Variants in MYBL2 observed in about 807,000 individuals in gnomAD.
MYBL2 encodes the protein myb-related protein B.
Under a neutral mutation model 79.9 loss-of-function variants are expected in MYBL2, and 28 were observed. The observed-to-expected ratio is 0.35, with a 90% CI of 0.26 to 0.48. The LOEUF (loss-of-function observed/expected upper bound fraction) is 0.48, where lower values mean the gene tolerates loss of function less well. Among genes scored for constraint, MYBL2 ranks in the 20% least tolerant of loss-of-function variants. MYBL2 has a pLI of 0.99. For missense variants in MYBL2, 735 were observed against 893.9 expected (o/e 0.82, Z 2.27); for synonymous variants, 378 against 361.2 (o/e 1.05, Z -0.53).
intron 9 of MYBL2, 106 bp from the exon 10 acceptor site, chr20:43,709,857 G>T: frequency 2.2e-6 from 2 of 919,666 alleles, no homozygotes. Context: ...ACGAGAACCT[G>T]TGCTGGGGCC....
chr20:43,682,884 A>G lies in MYBL2; in HGVS notation c.277A>G (p.Lys93Glu). The change falls in exon 4 of 14, where the codon AAA becomes GAA. Residue 93 changes from lysine (K) to glutamate (E), a missense_variant and splice_region_variant. This residue lies in a region of MYBL2 where 65 missense variants were observed against 145.2 expected (regional missense o/e 0.45). Transcript: ENST00000217026. The stretch of plus-strand genomic sequence containing the variant: ...GCCATGGACCAAAGAGGAAGACCAA[A>G]AAGTAACTGCTGGGACAGTGCCTTG... Reference protein sequence around the residue: ...KGPWTKEEDQKVIELVKKYGT... With the variant: ...KGPWTKEEDQEVIELVKKYGT... 5 of 1,613,618 alleles carry G rather than the reference A, an allele frequency of 3.1e-6. No individual in the cohort carries two copies. Among genetic ancestry groups the G allele is most frequent in the Non-Finnish European group, 4.2e-6 (5 of 1,179,596 alleles).
chr20:43,710,790 G>A (rs1987887605), intron 10 of MYBL2, among the ~76,000 whole-genome samples: 1 of 152,124 alleles, frequency 6.6e-6, no homozygotes, highest in Non-Finnish European at 1.5e-5. Flanking sequence ...ACTTTCCACG[G>A]ACCATGCTAC....
At chr20:43,692,135 G>GGCCCCCTGCT in intron 5 of MYBL2, 22 bp from the exon 6 acceptor site, 1 of 1,610,466 alleles carries the variant, frequency 6.2e-7, no homozygotes, top group South Asian at 1.1e-5. Context: ...GGGGTTCAAA[G>GGCCCCCTGCT]GCCCCCTGCT....
At chr20:43,667,366 A>G in intron 1 of MYBL2, 63 bp downstream of exon 1, 1 of 924,268 alleles carries the variant, frequency 1.1e-6, no homozygotes, top group Non-Finnish European at 1.3e-6. Flanking sequence ...TCCCCCACCC[A>G]GATACCCCCG....
intron 12 of MYBL2, among the ~76,000 whole-genome samples, chr20:43,714,895 C>CT (rs1473011276): frequency 2.0e-5 from 3 of 152,218 alleles, no homozygotes; most frequent in African/African-American, 7.2e-5. Flanking sequence ...TCCCAAAGTG[C>CT]TGGGATTACA....
rs764273305 is a variant in MYBL2, at chr20:43,683,550, C to CCTTTTG, written c.279+664_279+665insCTTTTG. Among the ~76,000 whole-genome samples, 20 of 126,432 alleles carry CCTTTTG rather than the reference C, an allele frequency of 1.6e-4. 1 individual carries two copies. The highest frequency in any genetic ancestry group is 1.1e-3 in the East Asian group (5 of 4,382). 82.9% of individuals were successfully genotyped at this position (126,432 alleles called of 152,430 possible). Reference sequence around the variant, plus strand: ...AAAGAGGGAGATGAAGGGAACTAGGCATTTTTTTTTTTTTTTTTTTTGAGA... The same window carrying CCTTTTG: ...AAAGAGGGAGATGAAGGGAACTAGGCCTTTTGATTTTTTTTTTTTTTTTTTTTGAGA... On this transcript the variant is annotated intron_variant, in intron 4 of 13. Transcript: ENST00000217026.
In MYBL2 at chr20:43,674,232, C is replaced by CCG. The variant is rs1555809927; in HGVS notation, c.114+334_114+335insGC. 2.6e-4 allele frequency among the ~76,000 whole-genome samples: 29 copies of CCG among 111,286 alleles called. 2 individuals are homozygous for CCG. Among genetic ancestry groups the CCG allele is most frequent in the Non-Finnish European group, 4.6e-4 (24 of 51,626 alleles). 73.0% of individuals were successfully genotyped at this position (111,286 alleles called of 152,430 possible). On this transcript the variant is annotated intron_variant, in intron 2 of 13. Coordinates refer to ENST00000217026, the MANE Select transcript of MYBL2 (RefSeq NM_002466.4). Reference sequence around the variant, plus strand: ...TTGGCCAAATCTGTAACTCCCCCCACCCTTTTTTTTTTTTTTTTTTTGAGA... The same window carrying CCG: ...TTGGCCAAATCTGTAACTCCCCCCACCGCCTTTTTTTTTTTTTTTTTTTGAGA...
Position 43,702,889 on chromosome 20 carries a change from T to C in MYBL2, c.1351T>C (p.Phe451Leu). The C allele has an allele frequency of 1.3e-6, 2 of 1,593,220 alleles. No homozygotes were observed. Among genetic ancestry groups the C allele is most frequent in the Non-Finnish European group, 1.7e-6 (2 of 1,163,876 alleles). ...GAGCACACCTGTTAAGACCCTGCCC[T>C]TCTCGCCCTCCCAGGTGCGTGGACC... ...PKSTPVKTLP[F>L]SPSQFLNFWN... The change falls in exon 8 of 14, where the codon TTC (phenylalanine) becomes CTC (leucine). Residue 451 changes from phenylalanine to leucine, a missense_variant. Transcript: ENST00000217026.
intron 10 of MYBL2, 33 bp from the exon 11 acceptor site, chr20:43,711,455 G>A (rs1414529929): frequency 1.3e-6 from 2 of 1,550,006 alleles, no homozygotes; most frequent in Admixed American, 3.5e-5. Flanking sequence ...CGAGTGTGGT[G>A]CCTCACGTGG....
At chr20:43,686,671 C>T (rs868178891) in intron 4 of MYBL2, among the ~76,000 whole-genome samples, 181 bp from the exon 5 acceptor site, 1 of 152,174 alleles carries the variant, frequency 6.6e-6, no homozygotes, top group African/African-American at 2.4e-5. Context: ...CTCAGGTAGG[C>T]CCTGTGGGCT....
intron 7 of MYBL2, 81 bp from the exon 8 acceptor site, chr20:43,702,409 C>T: frequency 6.9e-7 from 1 of 1,445,332 alleles, no homozygotes; most frequent in Non-Finnish European, 9.4e-7. Flanking sequence ...ATACTTGACA[C>T]TTAAATATTT....
intron 4 of MYBL2, 78 bp downstream of exon 4, chr20:43,682,964 G>A (rs1987178522): frequency 1.5e-6 from 2 of 1,374,228 alleles, no homozygotes; most frequent in Non-Finnish European, 1.0e-6. Flanking sequence ...ATTGCCTTGT[G>A]TTGGGGTTGG....
rs536375758 is a variant in MYBL2, at chr20:43,676,158, A to G, written c.114+2259A>G. Among the ~76,000 whole-genome samples the G allele has an allele frequency of 1.4e-4, 21 of 152,034 alleles. No homozygotes were observed. In the East Asian group the frequency reaches 3.3e-3, roughly 24 times the overall value. On this transcript the variant is annotated intron_variant, in intron 2 of 13. Transcript: ENST00000217026. The stretch of plus-strand genomic sequence containing the variant: ...GATCTTGAACTCCTGACCTCAGGTG[A>G]TCTTCCCACTTCAGCCTCCTGAAGT...
intron 8 of MYBL2, among the ~76,000 whole-genome samples, chr20:43,704,118 A>C (rs1987729544): frequency 6.6e-6 from 1 of 151,934 alleles, no homozygotes; most frequent in Non-Finnish European, 1.5e-5. Context: ...GGTTCAAGGA[A>C]TTTTCCTGCC....
chr20:43,671,837 G>T (rs1278832361), intron 1 of MYBL2, among the ~76,000 whole-genome samples: 1 of 151,212 alleles, frequency 6.6e-6, no homozygotes, highest in Non-Finnish European at 1.5e-5. Context: ...TTGGAAGATT[G>T]CCTTGTAGAG....
intron 5 of MYBL2, among the ~76,000 whole-genome samples, chr20:43,691,213 C>T (rs565897908): frequency 1.3e-5 from 2 of 152,176 alleles, no homozygotes; most frequent in Non-Finnish European, 2.9e-5. Flanking sequence ...AATGAGCAGA[C>T]AGTGTTGCTT....
At chr20:43,671,765 T>G (rs1470142753) in intron 1 of MYBL2, among the ~76,000 whole-genome samples, 1 of 151,022 alleles carries the variant, frequency 6.6e-6, no homozygotes, top group South Asian at 2.2e-4. Context: ...CCACCACACC[T>G]GGCCCGATTT....
chr20:43,716,042 C>T lies in MYBL2; in HGVS notation c.2058C>T (p.Gly686=), dbSNP rs753763594. Residue 686 remains glycine, a synonymous_variant, in exon 14 of 14, where the codon GGC becomes GGT. Coordinates refer to ENST00000217026, the MANE Select transcript of MYBL2 (RefSeq NM_002466.4). ...AGGAGAAAGCCCGGCAGCTCCTGGG[C>T]CGCCTGAAGCCCAGCCACACATCTC... The part of the protein sequence containing the change: ...FMQEKARQLL[G]RLKPSHTSRT... 1.7e-5 allele frequency: 28 copies of T among 1,610,834 alleles called. No homozygotes were observed. Among genetic ancestry groups the T allele is most frequent in the Middle Eastern group, 1.7e-4 (1 of 6,058 alleles).
chr20:43,699,757 G>T lies in MYBL2; in HGVS notation c.664G>T (p.Gly222Ter). Residue 222 changes from glycine (G) to a stop codon, truncating the protein, a stop_gained and splice_region_variant, in exon 7 of 14, where the codon GGA becomes TGA. Coordinates refer to ENST00000217026, the MANE Select transcript of MYBL2 (RefSeq NM_002466.4). LOFTEE classifies it high-confidence loss of function. ...LQSAQPTEGQ[G>*]SLLTNWPSVP... ...AATGGTGTATTCTTGTGTCTTACAG[G>T]GAAGTCTTCTGACCAACTGGCCCTC... The T allele has an allele frequency of 6.2e-7, 1 of 1,613,948 alleles. No individual in the cohort carries two copies. The highest frequency in any genetic ancestry group is 8.5e-7 in the Non-Finnish European group (1 of 1,179,970).
Sources: gnomAD v4.1 joint callset for allele counts (sites outside exome capture counted in the v4.1 genomes callset) on GRCh38, gnomAD v4.1.1 for gene constraint, gnomAD v4.1.1 regional missense constraint, MANE v1.5 for transcripts, NCBI Gene and HGNC (gene_info 2026-07-23, HGNC 2026-07-21) for gene names.